The following CLIC6 variants were observed in gnomAD, a reference collection of about 807,000 sequenced individuals.
CLIC6 encodes the protein CLIC family member 6.
Under a neutral mutation model 49.2 loss-of-function variants are expected in CLIC6, and 39 were observed. The ratio of observed to expected loss-of-function variants is 0.79; its 90% CI spans 0.61 to 1.04. CLIC6 has a LOEUF of 1.04. CLIC6 is among the 50% of genes least tolerant of loss of function. The probability of loss-of-function intolerance (pLI) is 0.00; values close to 1 mark genes in which losing one functional copy is unlikely to be tolerated. For synonymous variants in CLIC6, 446 were observed against 433.4 expected (o/e 1.03, Z -0.36); for missense variants, 988 against 993.1 (o/e 0.99, Z 0.07).
intron 1 of CLIC6, among the ~76,000 whole-genome samples, chr21:34,679,439 C>T (rs191152305): frequency 1.3e-5 from 2 of 152,252 alleles, no homozygotes; most frequent in Admixed American, 6.5e-5. Context: ...ATAGCCAAAC[C>T]GTATCATTCC....
chr21:34,706,951 A>C (rs1198240190), intron 1 of CLIC6, among the ~76,000 whole-genome samples: 1 of 152,224 alleles, frequency 6.6e-6, no homozygotes, highest in Non-Finnish European at 1.5e-5. Context: ...TTGGTGATAA[A>C]GGGAGTTCCC....
At chr21:34,706,169 G>C (rs1601284260) in intron 1 of CLIC6, 1 of 567,278 alleles carries the variant, frequency 1.8e-6, no homozygotes, top group East Asian at 3.0e-5. Context: ...CTCAGCTTCT[G>C]GGGCAGCCTC....
chr21:34,669,952 C>T lies in CLIC6; in HGVS notation c.564C>T (p.Asp188=). 1 of 1,357,692 alleles carries T rather than the reference C, an allele frequency of 7.4e-7. No homozygotes were observed. Among genetic ancestry groups the T allele is most frequent in the South Asian group, 1.8e-5 (1 of 56,716 alleles). The allele number at this position is 1,357,692 out of a possible 1,614,324, so 84.1% of individuals were successfully genotyped here. The change falls in exon 1 of 6, where the codon GAC becomes GAT. Residue 188 remains aspartate, a synonymous_variant. Transcript: ENST00000349499. The stretch of plus-strand genomic sequence containing the variant: ...TAGAGGCGGAGGGCCGGGTGGGGGA[C>T]AGCGTAGACGCGGAAGGTCCGGCGG... ...DSVEAEGRVG[D]SVDAEGPAGD...
At chr21:34,684,195 G>A (rs1454472354) in intron 1 of CLIC6, among the ~76,000 whole-genome samples, 1 of 152,086 alleles carries the variant, frequency 6.6e-6, no homozygotes, top group Non-Finnish European at 1.5e-5. Flanking sequence ...TGTGCTTGGG[G>A]CTGGGGGTGT....
intron 1 of CLIC6, among the ~76,000 whole-genome samples, chr21:34,686,365 C>A (rs565957629): frequency 6.6e-6 from 1 of 152,180 alleles, no homozygotes; most frequent in African/African-American, 2.4e-5. Flanking sequence ...CACGCCACTG[C>A]GCTCCAGCCT....
At chr21:34,684,744 C>T (rs1989843676) in intron 1 of CLIC6, among the ~76,000 whole-genome samples, 1 of 152,090 alleles carries the variant, frequency 6.6e-6, no homozygotes, top group South Asian at 2.1e-4. Flanking sequence ...AAGTGAAGGC[C>T]AAAATGAGGG....
In CLIC6 at chr21:34,669,023, C is replaced by T. The variant is rs1401799517; in HGVS notation, c.-366C>T. Among the ~76,000 whole-genome samples the T allele has an allele frequency of 6.6e-6, 1 of 152,212 alleles. No homozygotes were observed. The highest frequency in any genetic ancestry group is 1.5e-5 in the Non-Finnish European group (1 of 68,038). The stretch of plus-strand genomic sequence containing the variant: ...CCAGGACAGCGGACAGCGGGCCGGG[C>T]ACTTCCAAAGGCGCAGGAGCGAAGC... On this transcript the variant is annotated 5_prime_UTR_variant, in exon 1 of 6. Transcript: ENST00000349499.
chr21:34,715,792 T>C (rs1020554658), intron 5 of CLIC6, among the ~76,000 whole-genome samples: 1 of 152,164 alleles, frequency 6.6e-6, no homozygotes, highest in Non-Finnish European at 1.5e-5. Context: ...CATGAATCTC[T>C]CCTCCGCACA....
chr21:34,693,534 G>C (rs919210871), intron 1 of CLIC6, among the ~76,000 whole-genome samples: 1 of 152,210 alleles, frequency 6.6e-6, no homozygotes, highest in African/African-American at 2.4e-5. Context: ...GTCATGGGTA[G>C]TCCCTTCATC....
chr21:34,703,239 A>G (rs2055992154), intron 1 of CLIC6, among the ~76,000 whole-genome samples: 1 of 152,116 alleles, frequency 6.6e-6, no homozygotes, highest in Non-Finnish European at 1.5e-5. Context: ...CACCACCTCC[A>G]AATTGTTTTT....
chr21:34,681,081 G>T (rs1989770833), intron 1 of CLIC6, among the ~76,000 whole-genome samples: 1 of 152,216 alleles, frequency 6.6e-6, no homozygotes, highest in Non-Finnish European at 1.5e-5. Context: ...AGAACTGCCT[G>T]AGACTGGGTT....
In CLIC6 at chr21:34,716,862, TCACACACA is replaced by T. The variant is rs10541127; in HGVS notation, c.*411_*418del. 11,597 of 131,622 alleles carry T rather than the reference TCACACACA, an allele frequency of 0.088. 893 individuals are homozygous for T. Among genetic ancestry groups the T allele is most frequent in the East Asian group, 0.47 (2,091 of 4,420 alleles). The allele number at this position is 131,622 out of a possible 1,614,324, so 8.2% of individuals were successfully genotyped here. ...CTCTCTCTCTCTCTCTCTCTCTCTATCACACACACACACACACACACACACACACACAC... is the reference window on the plus strand; with the variant it reads ...CTCTCTCTCTCTCTCTCTCTCTCTATCACACACACACACACACACACACAC... On this transcript the variant is annotated 3_prime_UTR_variant, in exon 6 of 6. Coordinates refer to ENST00000349499, the MANE Select transcript of CLIC6 (RefSeq NM_053277.3).
chr21:34,714,707 A>AAAC (rs1555879938), intron 5 of CLIC6, among the ~76,000 whole-genome samples: 7 of 151,350 alleles, frequency 4.6e-5, no homozygotes, highest in Admixed American at 1.3e-4. Flanking sequence ...AAAAAAAAAA[A>AAAC]AAACTTGATA....
intron 3 of CLIC6, 149 bp from the exon 4 acceptor site, chr21:34,708,551 C>T (rs2056032716): frequency 1.6e-6 from 1 of 641,188 alleles, no homozygotes; most frequent in East Asian, 2.7e-5. Flanking sequence ...GTTGTTACTT[C>T]CCAACCTTTG....
Position 34,709,502 on chromosome 21 carries a change from T to C in CLIC6, c.1863T>C (p.Ala621=), listed in dbSNP as rs773294906. Residue 621 remains alanine (A), a synonymous_variant, in exon 5 of 6, where the codon GCT becomes GCC. Transcript: ENST00000349499. Reference sequence around the variant, plus strand: ...TGGATGGGGACGAGCTGACGCTGGCTGACTGCAACCTCTTACCCAAGCTCC... The same window carrying C: ...TGGATGGGGACGAGCTGACGCTGGCCGACTGCAACCTCTTACCCAAGCTCC... ...KFLDGDELTL[A]DCNLLPKLHI... 2 of 1,614,046 alleles carry C rather than the reference T, an allele frequency of 1.2e-6. No individual in the cohort carries two copies. Among genetic ancestry groups the C allele is most frequent in the Non-Finnish European group, 1.7e-6 (2 of 1,179,870 alleles).
At chr21:34,672,202 T>C (rs1204361026) in intron 1 of CLIC6, among the ~76,000 whole-genome samples, 1 of 152,234 alleles carries the variant, frequency 6.6e-6, no homozygotes, top group Non-Finnish European at 1.5e-5. Context: ...CTGATCATTT[T>C]ATTTCTTTGT....
rs1046233869 is a variant in CLIC6 at position 34,717,876 on chromosome 21, G to A, written c.*1394G>A. The A allele has an allele frequency of 6.6e-6, 1 of 152,132 alleles. No individual in the cohort carries two copies. The highest frequency in any genetic ancestry group is 1.5e-5 in the Non-Finnish European group (1 of 68,028). 9.4% of individuals were successfully genotyped at this position (152,132 alleles called of 1,614,324 possible). A position where few individuals can be genotyped will look rare whatever the true frequency, so the allele number is the denominator to read the frequency against. On this transcript the variant is annotated 3_prime_UTR_variant, in exon 6 of 6. Transcript: ENST00000349499. ...AGATGCATTAACAGAAACTATCCTG[G>A]GATTAGGTGAAAAATGTCTAGCAAA...
Position 34,670,449 on chromosome 21 carries a change from C to T in CLIC6, c.1061C>T (p.Ala354Val). The change falls in exon 1 of 6, where the codon GCT becomes GTT. Residue 354 changes from alanine to valine, a missense_variant. Coordinates refer to ENST00000349499, the MANE Select transcript of CLIC6 (RefSeq NM_053277.3). Reference protein sequence around the residue: ...EAAPGDARADAGEDRVGDGPQ... With the variant: ...EAAPGDARADVGEDRVGDGPQ... ...GCCCCCGGGGACGCAAGGGCAGACG[C>T]TGGCGAGGACAGGGTAGGGGATGGG... The T allele has an allele frequency of 1.4e-6, 2 of 1,470,702 alleles. No individual in the cohort carries two copies. Among genetic ancestry groups the T allele is most frequent in the Non-Finnish European group, 1.8e-6 (2 of 1,111,716 alleles). The allele number at this position is 1,470,702 out of a possible 1,614,324, so 91.1% of individuals were successfully genotyped here.
chr21:34,670,870 A>G (rs1989550193), intron 1 of CLIC6, 108 bp downstream of exon 1: 1 of 1,259,604 alleles, frequency 7.9e-7, no homozygotes. Context: ...TGGTATCCTG[A>G]TTGTCATCAG....
Sources: gnomAD v4.1 joint callset for allele counts (sites outside exome capture counted in the v4.1 genomes callset) on GRCh38, gnomAD v4.1.1 for gene constraint, MANE v1.5 for transcripts, NCBI Gene and HGNC (gene_info 2026-07-23, HGNC 2026-07-21) for gene names.